Variants in LIMA1 observed in about 807,000 individuals in gnomAD.
LIMA1 encodes LIM domain and actin binding 1.
In LIMA1, 52 loss-of-function variants were observed where a neutral mutation model predicts 62.6. The observed-to-expected ratio is 0.83, with a 90% confidence interval of 0.67 to 1.05. The LOEUF (loss-of-function observed/expected upper bound fraction) is 1.05. Among genes scored for constraint, LIMA1 ranks in the 50% least tolerant of loss-of-function variants. The pLI, the probability that LIMA1 is intolerant of heterozygous loss-of-function variation, is 0.00. For synonymous variants in LIMA1, 302 were observed against 317.8 expected (o/e 0.95, Z 0.53); for missense variants, 780 against 902.2 (o/e 0.86, Z 1.74).
At chr12:50,214,585 G>GA (rs1941312580) in intron 4 of LIMA1, among the ~76,000 whole-genome samples, 1 of 152,228 alleles carries the variant, frequency 6.6e-6, no homozygotes, top group South Asian at 2.1e-4. Flanking sequence ...AAGGTGGGGG[G>GA]ATCACAAGGT....
At chr12:50,230,408 T>C (rs376823032) in intron 3 of LIMA1, among the ~76,000 whole-genome samples, 3 of 152,130 alleles carry the variant, frequency 2.0e-5, no homozygotes, top group African/African-American at 7.2e-5. Flanking sequence ...GGATGTAGTC[T>C]GTGCTTGGCA....
At chr12:50,221,448 C>T (rs890097829) in intron 4 of LIMA1, among the ~76,000 whole-genome samples, 4 of 152,324 alleles carry the variant, frequency 2.6e-5, no homozygotes, top group Non-Finnish European at 2.9e-5. Context: ...CAACCCTGTG[C>T]ATTTGCAAGT....
intron 9 of LIMA1, among the ~76,000 whole-genome samples, chr12:50,190,888 T>TG (rs1940751546): frequency 1.4e-5 from 2 of 147,700 alleles, no homozygotes; most frequent in South Asian, 4.3e-4. Context: ...GAGGCCAAGG[T>TG]GGGGGGATTA....
intron 9 of LIMA1, among the ~76,000 whole-genome samples, chr12:50,184,767 T>G (rs973510419): frequency 4.6e-5 from 7 of 152,152 alleles, no homozygotes; most frequent in African/African-American, 1.7e-4. Flanking sequence ...GTAGGACAAA[T>G]GTATTTATCA....
chr12:50,248,654 G>A lies in LIMA1; in HGVS notation c.98C>T (p.Ala33Val). 1 of 1,611,034 alleles carries A rather than the reference G, an allele frequency of 6.2e-7. No homozygotes were observed. The highest frequency in any genetic ancestry group is 1.3e-5 in the African/African-American group (1 of 74,988). The change falls in exon 2 of 11, where the codon GCT becomes GTT. Residue 33 changes from alanine (A) to valine (V), a missense_variant. Physicochemically the swap from Ala to Val is moderately conservative, Grantham distance 64 (BLOSUM62 0). Coordinates refer to ENST00000341247, the MANE Select transcript of LIMA1 (RefSeq NM_016357.5). Reference protein sequence around the residue: ...LSLVNKNKSSAIVEIFSKYQK... With the variant: ...LSLVNKNKSSVIVEIFSKYQK... ...TTACTTGGAGAATATTTCCACAATA[G>A]CCGATGACTTGTTCTTGTTGACAAG...
chr12:50,215,955 C>G (rs961320864), intron 4 of LIMA1, among the ~76,000 whole-genome samples: 2 of 151,624 alleles, frequency 1.3e-5, no homozygotes, highest in African/African-American at 2.4e-5. Flanking sequence ...GAGGCTGAGG[C>G]AGAGAATTGC....
At position 50,248,684 on chromosome 12, in the gene LIMA1, A is replaced by G; in HGVS notation, c.68T>C (p.Leu23Pro). 6.2e-7 allele frequency: 1 copy of G among 1,613,900 alleles called. No individual in the cohort carries two copies. The highest frequency in any genetic ancestry group is 2.2e-5 in the East Asian group (1 of 44,880). Reference sequence around the variant, plus strand: ...TGACTTGTTCTTGTTGACAAGAGAAAGTTCTTTGGCTGTTACCCTCAATGA... The same window carrying G: ...TGACTTGTTCTTGTTGACAAGAGAAGGTTCTTTGGCTGTTACCCTCAATGA... ...SLSLRVTAKE[L>P]SLVNKNKSSA... is the part of the protein sequence containing the mutation. Residue 23 changes from leucine to proline, a missense_variant, in exon 2 of 11, where the codon CTT becomes CCT. Leu to Pro is a moderately conservative substitution (Grantham distance 98). Transcript: ENST00000341247.
intron 9 of LIMA1, among the ~76,000 whole-genome samples, chr12:50,191,678 G>A (rs916565802): frequency 2.4e-4 from 36 of 151,696 alleles, no homozygotes; most frequent in Admixed American, 4.6e-4. Context: ...AAAGTTAGCC[G>A]GGCGTAGTGG....
intron 2 of LIMA1, among the ~76,000 whole-genome samples, chr12:50,244,082 A>C (rs1267835867): frequency 7.0e-6 from 1 of 143,802 alleles, no homozygotes; most frequent in Non-Finnish European, 1.5e-5. Flanking sequence ...CGCCCAGCTA[A>C]ATTTTTGTAT....
chr12:50,222,052 A>G lies in LIMA1; in HGVS notation c.599T>C (p.Met200Thr), dbSNP rs986873001. The G allele has an allele frequency of 1.9e-6, 3 of 1,612,204 alleles. No homozygotes were observed. The highest frequency in any genetic ancestry group is 3.4e-5 in the Admixed American group (2 of 59,646). The stretch of plus-strand genomic sequence containing the variant: ...TTGAGTTGGTTCACCTTTCTCAAAC[A>G]TCATCTTAAGCCTGTTCAGCGGAAC... ...YNVPLNRLKM[M>T]FEKGEPTQTK... The change falls in exon 4 of 11, where the codon ATG becomes ACG. Residue 200 changes from methionine (M) to threonine (T), a missense_variant. Coordinates refer to ENST00000341247, the MANE Select transcript of LIMA1 (RefSeq NM_016357.5).
chr12:50,183,149 C>A (rs1386331091), intron 9 of LIMA1, among the ~76,000 whole-genome samples: 1 of 152,060 alleles, frequency 6.6e-6, no homozygotes, highest in Admixed American at 6.6e-5. Flanking sequence ...TTGTAGTGAG[C>A]CGAGATGGCG....
intron 1 of LIMA1, among the ~76,000 whole-genome samples, chr12:50,253,669 T>C (rs1941957651): frequency 6.6e-6 from 1 of 152,160 alleles, no homozygotes; most frequent in Non-Finnish European, 1.5e-5. Flanking sequence ...ACTTAAAAGT[T>C]ATCCTGGGCT....
rs536139705 is a variant in LIMA1, at chr12:50,246,192, A to G, written c.119+2441T>C. ...GGTTGCAGTGAGCTGAGATTGCACT[A>G]TTGCACTCCAGTCTGGGTGACAGAG... On this transcript the variant is annotated intron_variant, in intron 2 of 10. Transcript: ENST00000341247. 8.4e-5 allele frequency among the ~76,000 whole-genome samples: 12 copies of G among 143,624 alleles called. No homozygotes were observed. In the East Asian group the frequency reaches 2.2e-3, roughly 26 times the overall value. The allele number at this position is 143,624 out of a possible 152,430, so 94.2% of individuals were successfully genotyped here. A position where few individuals can be genotyped will look rare whatever the true frequency, so the allele number is the denominator to read the frequency against.
chr12:50,195,734 T>C (rs1385889919), intron 8 of LIMA1, 96 bp downstream of exon 8: 9 of 1,218,468 alleles, frequency 7.4e-6, no homozygotes, highest in South Asian at 1.5e-5. Context: ...TTTACTATGT[T>C]ATTTTCTCAG....
At chr12:50,202,703 G>A (rs1227403236) in intron 6 of LIMA1, among the ~76,000 whole-genome samples, 1 of 152,148 alleles carries the variant, frequency 6.6e-6, no homozygotes, top group Non-Finnish European at 1.5e-5. Flanking sequence ...ATTGCCCAGA[G>A]AATTAGTCCA....
At chr12:50,210,418 C>CAAAAAAAAAAAAAAAAAAAAA (rs769288381) in intron 4 of LIMA1, among the ~76,000 whole-genome samples, 1 of 90,858 alleles carries the variant, frequency 1.1e-5, no homozygotes, top group Non-Finnish European at 2.2e-5. Context: ...ACCCCATTTC[C>CAAAAAAAAAAAAAAAAAAAAA]AAAAAAAAAA....
intron 2 of LIMA1, among the ~76,000 whole-genome samples, chr12:50,244,701 TTC>T (rs1347949138): frequency 6.6e-6 from 1 of 152,218 alleles, no homozygotes; most frequent in Non-Finnish European, 1.5e-5. Flanking sequence ...CCTCTGCACT[TTC>T]TCTCTGCAAG....
At chr12:50,234,889 C>T (rs1941666655) in intron 2 of LIMA1, among the ~76,000 whole-genome samples, 1 of 152,026 alleles carries the variant, frequency 6.6e-6, no homozygotes, top group Non-Finnish European at 1.5e-5. Context: ...TGCACGCCTG[C>T]AGTCCCAGCT....
At chr12:50,180,810 CA>C (rs953023397) in intron 10 of LIMA1, among the ~76,000 whole-genome samples, 1 of 151,892 alleles carries the variant, frequency 6.6e-6, no homozygotes, top group African/African-American at 2.4e-5. Context: ...AGCACTTCCA[CA>C]AAAGAAATAA....
Sources: allele counts gnomAD v4.1 joint callset (sites outside exome capture counted in the v4.1 genomes callset), GRCh38; gene constraint gnomAD v4.1.1; transcripts MANE v1.5; gene names NCBI Gene and HGNC (gene_info 2026-07-23, HGNC 2026-07-21).